Variants in RGL1 observed in about 807,000 individuals in gnomAD.
RGL1 encodes ral guanine nucleotide dissociation stimulator like 1.
RGL1 carries 24 observed loss-of-function variants against 95.2 expected under a neutral mutation model. The observed-to-expected ratio is 0.25, with a 90% CI of 0.18 to 0.35. RGL1 has a LOEUF of 0.35. RGL1 is among the 10% of genes least tolerant of loss of function. The pLI is 1.00. For synonymous variants in RGL1, 329 were observed against 344.9 expected (o/e 0.95, Z 0.51); for missense variants, 715 against 936.3 (o/e 0.76, Z 3.08).
At chr1:183,875,841 T>G (rs1178390257) in intron 4 of RGL1, among the ~76,000 whole-genome samples, 1 of 138,986 alleles carries the variant, frequency 7.2e-6, no homozygotes, top group East Asian at 2.1e-4. Context: ...ATTGCGCCAC[T>G]GCACTCCAGC....
At position 183,846,940 on chromosome 1, in the gene RGL1, C is replaced by T. The variant is rs572981115; in HGVS notation, c.139-626C>T. ...CAAAACAAAGGGAATGCTTGCTAAA[C>T]CTGATCCTGGTATCATTAAAAATGC... On this transcript the variant is annotated intron_variant, in intron 2 of 17. Coordinates refer to ENST00000360851, the MANE Select transcript of RGL1 (RefSeq NM_001297671.3). Among the ~76,000 whole-genome samples the T allele has an allele frequency of 3.1e-4, 47 of 152,194 alleles. No individual in the cohort carries two copies. The South Asian group carries it at 7.9e-3, about 26-fold the overall frequency.
chr1:183,905,434 T>G (rs1253328434), intron 13 of RGL1, among the ~76,000 whole-genome samples: 1 of 152,134 alleles, frequency 6.6e-6, no homozygotes, highest in African/African-American at 2.4e-5. Context: ...GTAACTACAT[T>G]CCTACAAAAC....
intron 2 of RGL1, among the ~76,000 whole-genome samples, chr1:183,770,671 G>A (rs1659228732): frequency 6.6e-6 from 1 of 152,166 alleles, no homozygotes; most frequent in Admixed American, 6.5e-5. Context: ...GAGTAGTTGG[G>A]CAACAGGAAA....
intron 2 of RGL1, among the ~76,000 whole-genome samples, chr1:183,781,339 A>T (rs1199320940): frequency 1.3e-5 from 2 of 152,168 alleles, no homozygotes; most frequent in Non-Finnish European, 2.9e-5. Context: ...AGTATTATGG[A>T]TTGCTCTGCT....
intron 4 of RGL1, among the ~76,000 whole-genome samples, chr1:183,866,761 C>G (rs998015996): frequency 6.6e-6 from 1 of 152,186 alleles, no homozygotes; most frequent in African/African-American, 2.4e-5. Flanking sequence ...TTAAAAGACC[C>G]GCTCTGGCTC....
chr1:183,784,060 G>T (rs1660033081), intron 2 of RGL1, among the ~76,000 whole-genome samples: 1 of 152,180 alleles, frequency 6.6e-6, no homozygotes, highest in Admixed American at 6.5e-5. Context: ...AATGTTCATT[G>T]TCATAGCTAC....
intron 2 of RGL1, among the ~76,000 whole-genome samples, chr1:183,766,630 A>G (rs573347747): frequency 3.7e-4 from 56 of 152,294 alleles, no homozygotes; most frequent in Admixed American, 1.5e-3. Flanking sequence ...ATATTGTACT[A>G]TTTCTGTTCA....
At chr1:183,867,445 A>C (rs1665908019) in intron 4 of RGL1, among the ~76,000 whole-genome samples, 1 of 152,068 alleles carries the variant, frequency 6.6e-6, no homozygotes, top group Admixed American at 6.6e-5. Flanking sequence ...ATCGAGTGTG[A>C]GGGTCTGAAA....
intron 1 of RGL1, among the ~76,000 whole-genome samples, chr1:183,658,589 A>G (rs1182734572): frequency 6.6e-6 from 1 of 152,114 alleles, no homozygotes; most frequent in East Asian, 1.9e-4. Flanking sequence ...CCACAGCTCA[A>G]GGAGGCCTGC....
chr1:183,904,220 T>C (rs1374785949), intron 12 of RGL1, among the ~76,000 whole-genome samples: 1 of 152,218 alleles, frequency 6.6e-6, no homozygotes, highest in Admixed American at 6.5e-5. Flanking sequence ...AACATAATTA[T>C]GTACTTGCCT....
At chr1:183,856,288 C>T (rs749694481) in intron 3 of RGL1, among the ~76,000 whole-genome samples, 9 of 151,802 alleles carry the variant, frequency 5.9e-5, no homozygotes, top group Non-Finnish European at 1.2e-4. Flanking sequence ...CACACACATA[C>T]ACATACACAC....
At chr1:183,771,443 T>C (rs919739947) in intron 2 of RGL1, among the ~76,000 whole-genome samples, 1 of 152,230 alleles carries the variant, frequency 6.6e-6, no homozygotes, top group Non-Finnish European at 1.5e-5. Flanking sequence ...CACTGTCTCC[T>C]TTTTATTCCT....
exon 1 of RGL1, chr1:183,636,124 G>T: frequency 5.0e-6 from 2 of 399,458 alleles, no homozygotes; most frequent in Non-Finnish European, 8.8e-6. Context: ...GGCGGGGATG[G>T]GCAGCAGCGG....
At chr1:183,886,287 C>G (rs1425769180) in intron 7 of RGL1, among the ~76,000 whole-genome samples, 1 of 152,166 alleles carries the variant, frequency 6.6e-6, no homozygotes, top group Non-Finnish European at 1.5e-5. Flanking sequence ...TAAACAACTT[C>G]TATTTCTCCT....
chr1:183,898,052 G>A (rs1325808057), intron 10 of RGL1, among the ~76,000 whole-genome samples, 155 bp downstream of exon 10: 2 of 152,162 alleles, frequency 1.3e-5, no homozygotes, highest in Non-Finnish European at 2.9e-5. Flanking sequence ...CAGCAGCCCT[G>A]GGAGGTCTAT....
chr1:183,802,166 T>C (rs1021255318), upstream of RGL1, among the ~76,000 whole-genome samples: 1 of 152,218 alleles, frequency 6.6e-6, no homozygotes, highest in Non-Finnish European at 1.5e-5. Context: ...GTACAAATGT[T>C]TTCCCAGCAC....
chr1:183,919,557 C>T (rs1669193787), intron 16 of RGL1, among the ~76,000 whole-genome samples: 1 of 152,190 alleles, frequency 6.6e-6, no homozygotes, highest in Non-Finnish European at 1.5e-5. Flanking sequence ...AACTGGTGGC[C>T]TAGAGAACTT....
chr1:183,883,663 T>C (rs1234136383), intron 5 of RGL1, 123 bp from the exon 6 acceptor site: 2 of 996,320 alleles, frequency 2.0e-6, no homozygotes, highest in South Asian at 3.1e-5. Flanking sequence ...TGTGGTTGTC[T>C]CCCTGTGGCT....
In RGL1 at chr1:183,666,005, CT is replaced by C. The variant is rs746295660; in HGVS notation, c.-33+29521del. Among the ~76,000 whole-genome samples the C allele has an allele frequency of 8.3e-4, 108 of 130,700 alleles. 1 individual carries two copies. Among genetic ancestry groups the C allele is most frequent in the South Asian group, 2.5e-3 (10 of 4,054 alleles). The allele number at this position is 130,700 out of a possible 152,430, so 85.7% of individuals were successfully genotyped here. A position where few individuals can be genotyped will look rare whatever the true frequency, so the allele number is the denominator to read the frequency against. The stretch of plus-strand genomic sequence containing the variant: ...GATTGACTGAAGGTCTTCTTTTTTT[CT>C]TTTTTTTTTTTTTTTTGAGATGGAG... On this transcript the variant is annotated intron_variant, in intron 1 of 18. Transcript: ENST00000304685.
Sources: gnomAD v4.1 joint callset for allele counts (sites outside exome capture counted in the v4.1 genomes callset) on GRCh38, gnomAD v4.1.1 for gene constraint, MANE v1.5 for transcripts, NCBI Gene and HGNC (gene_info 2026-07-23, HGNC 2026-07-21) for gene names.